Variants in PKD1L1 observed in about 807,000 individuals in gnomAD.
The protein encoded by PKD1L1 is polycystin 1 like 1, transient receptor potential channel interacting.
Under a neutral mutation model 323.4 loss-of-function variants are expected in PKD1L1, and 236 were observed. The ratio of observed to expected loss-of-function variants is 0.73; its 90% CI spans 0.66 to 0.81. PKD1L1 has a LOEUF of 0.81. PKD1L1 is among the 40% of genes least tolerant of loss of function. PKD1L1 has a pLI of 0.00. For synonymous variants in PKD1L1, 1,344 were observed against 1,335.0 expected (o/e 1.01, Z -0.15); for missense variants, 3,320 against 3,508.0 (o/e 0.95, Z 1.35).
intron 1 of PKD1L1, among the ~76,000 whole-genome samples, chr7:47,945,665 G>A (rs527543047): frequency 6.6e-6 from 1 of 152,306 alleles, no homozygotes; most frequent in South Asian, 2.1e-4. Flanking sequence ...CAATGATCTA[G>A]CGGGCAAATA....
At chr7:47,877,697 T>G in intron 21 of PKD1L1, 66 bp from the exon 22 acceptor site, 2 of 1,558,794 alleles carry the variant, frequency 1.3e-6, no homozygotes, top group Non-Finnish European at 1.7e-6. Context: ...AGGAATAAGT[T>G]TTTATAGATA....
At chr7:47,941,916 G>A (rs1787993280) in intron 2 of PKD1L1, among the ~76,000 whole-genome samples, 1 of 152,188 alleles carries the variant, frequency 6.6e-6, no homozygotes, top group Non-Finnish European at 1.5e-5. Flanking sequence ...TAAACTAAGT[G>A]AGTGAAACTA....
chr7:47,834,600 A>T (rs1285837938), intron 39 of PKD1L1, among the ~76,000 whole-genome samples: 1 of 152,138 alleles, frequency 6.6e-6, no homozygotes, highest in Non-Finnish European at 1.5e-5. Flanking sequence ...CCTCACACCC[A>T]CTTGAGGCTG....
intron 40 of PKD1L1, among the ~76,000 whole-genome samples, chr7:47,833,948 G>A (rs1180405354): frequency 2.0e-5 from 3 of 152,224 alleles, no homozygotes; most frequent in Admixed American, 2.0e-4. Context: ...AGGAGGTGGA[G>A]AAGCTCACTG....
At chr7:47,817,059 G>C (rs896805339) in intron 46 of PKD1L1, among the ~76,000 whole-genome samples, 25 of 152,038 alleles carry the variant, frequency 1.6e-4, no homozygotes, top group African/African-American at 5.8e-4. Context: ...AAAATGATGA[G>C]ACCCTGTCTC....
At chr7:47,880,431 G>A (rs1223778875) in intron 21 of PKD1L1, among the ~76,000 whole-genome samples, 7 of 150,270 alleles carry the variant, frequency 4.7e-5, no homozygotes, top group African/African-American at 9.8e-5. Context: ...ACAGGCACCC[G>A]CCACCATGCC....
intron 14 of PKD1L1, 139 bp downstream of exon 14, chr7:47,897,849 G>T: frequency 1.6e-6 from 1 of 626,444 alleles, no homozygotes; most frequent in Non-Finnish European, 2.6e-6. Context: ...AAAATCCAAT[G>T]CAGATTTTTT....
At chr7:47,921,674 GAT>G (rs34123411) in intron 7 of PKD1L1, among the ~76,000 whole-genome samples, 88,481 of 138,746 alleles carry the variant, frequency 0.64, 26,445 homozygotes, top group East Asian at 0.71. Context: ...AAGAAACTGT[GAT>G]ATATATATAT....
intron 16 of PKD1L1, 23 bp downstream of exon 16, chr7:47,890,519 G>T: frequency 6.2e-7 from 1 of 1,608,144 alleles, no homozygotes; most frequent in Non-Finnish European, 8.5e-7. Flanking sequence ...GAGCTGAGCT[G>T]TGCTGAATAC....
intron 16 of PKD1L1, 37 bp downstream of exon 16, chr7:47,890,505 C>G: frequency 6.3e-7 from 1 of 1,594,942 alleles, no homozygotes; most frequent in Non-Finnish European, 8.6e-7. Context: ...GAACAAACAC[C>G]GGTGAGCTGA....
chr7:47,905,967 A>T lies in PKD1L1; in HGVS notation c.1403-5T>A. 6.3e-7 allele frequency: 1 copy of T among 1,583,630 alleles called. No homozygotes were observed. The highest frequency in any genetic ancestry group is 8.6e-7 in the Non-Finnish European group (1 of 1,167,866). On this transcript the variant is annotated splice_polypyrimidine_tract_variant and splice_region_variant and intron_variant, in intron 9 of 56. Coordinates refer to ENST00000289672, the MANE Select transcript of PKD1L1 (RefSeq NM_138295.5). The stretch of plus-strand genomic sequence containing the variant: ...AGTGATGTATAACCACAGTGCCTAA[A>T]ATGAGAAAAAAAGGAGATAAGAGAA...
In PKD1L1 at chr7:47,840,635, G is replaced by T; in HGVS notation, c.5446-68C>A. On this transcript the variant is annotated intron_variant, in intron 34 of 56. Coordinates refer to ENST00000289672, the MANE Select transcript of PKD1L1 (RefSeq NM_138295.5). The surrounding 1 kb of genome is among the most constrained non-coding windows in gnomAD (Gnocchi z 4.1). ...GCAGACACCATGCAATGCTGGGCAGGGCTTCCTCGCACTTTCTCCCAGCGT... is the reference window on the plus strand; with the variant it reads ...GCAGACACCATGCAATGCTGGGCAGTGCTTCCTCGCACTTTCTCCCAGCGT... The T allele has an allele frequency of 1.6e-6, 2 of 1,241,304 alleles. No homozygotes were observed. Among genetic ancestry groups the T allele is most frequent in the Non-Finnish European group, 2.3e-6 (2 of 852,232 alleles). 76.9% of individuals were successfully genotyped at this position (1,241,304 alleles called of 1,614,324 possible).
intron 1 of PKD1L1, 90 bp downstream of exon 1, chr7:47,948,307 T>G (rs1011279929): frequency 1.1e-5 from 16 of 1,477,224 alleles, no homozygotes; most frequent in Non-Finnish European, 1.5e-5. Context: ...TGAGCCCACA[T>G]CCTAGAGGTG....
intron 4 of PKD1L1, 53 bp downstream of exon 4, chr7:47,936,793 A>G: frequency 3.0e-6 from 4 of 1,355,614 alleles, no homozygotes; most frequent in Non-Finnish European, 4.2e-6. Flanking sequence ...TGTAAGTTCC[A>G]TGTCATTTGC....
intron 24 of PKD1L1, among the ~76,000 whole-genome samples, chr7:47,871,649 T>C (rs1236023972): frequency 6.6e-6 from 1 of 152,078 alleles, no homozygotes; most frequent in Admixed American, 6.6e-5. Context: ...CGTAACAAAT[T>C]AATGGACTAA....
chr7:47,835,315 T>C (rs1041086181), intron 37 of PKD1L1, 72 bp from the exon 38 acceptor site: 26 of 914,248 alleles, frequency 2.8e-5, no homozygotes, highest in Non-Finnish European at 4.2e-5. Flanking sequence ...CATTGTGTAA[T>C]TACAAATACA....
chr7:47,822,607 A>C (rs1385028868), intron 45 of PKD1L1, among the ~76,000 whole-genome samples: 4 of 151,218 alleles, frequency 2.6e-5, no homozygotes, highest in Admixed American at 6.6e-5. Context: ...AAAAAAAAAA[A>C]AAAAAAAAAA....
chr7:47,923,910 C>T (rs1275818565), intron 7 of PKD1L1, among the ~76,000 whole-genome samples: 1 of 151,662 alleles, frequency 6.6e-6, no homozygotes, highest in Non-Finnish European at 1.5e-5. Flanking sequence ...ATCAGCTTCA[C>T]AGATGCTGGA....
At chr7:47,952,684 A>G (rs550279665), upstream of PKD1L1, among the ~76,000 whole-genome samples, 1 of 152,352 alleles carries the variant, frequency 6.6e-6, no homozygotes, top group African/African-American at 2.4e-5. Context: ...TAGCTCCACT[A>G]AAGAAAAACA....
Sources: allele counts gnomAD v4.1 joint callset (sites outside exome capture counted in the v4.1 genomes callset), GRCh38; gene constraint gnomAD v4.1.1; non-coding constraint Gnocchi (gnomAD v3.1); transcripts MANE v1.5; gene names NCBI Gene and HGNC (gene_info 2026-07-23, HGNC 2026-07-21).